RNF217: variants seen among roughly 807,000 people sequenced by gnomAD.
RNF217 encodes the protein ring finger protein 217, also known as E3 ubiquitin-protein ligase RNF217.
In RNF217, 31 loss-of-function variants were observed where a neutral mutation model predicts 57.8. The observed-to-expected ratio is 0.54, with a 90% CI of 0.40 to 0.72. The LOEUF (loss-of-function observed/expected upper bound fraction) is 0.72, where lower values mean the gene tolerates loss of function less well. Ranked by LOEUF, RNF217 falls within the 30% of genes least tolerant of loss-of-function variation. The pLI, the probability that RNF217 is intolerant of heterozygous loss-of-function variation, is 0.00. For synonymous variants in RNF217, 313 were observed against 294.0 expected (o/e 1.06, Z -0.66); for missense variants, 696 against 708.3 (o/e 0.98, Z 0.20).
intron 3 of RNF217, among the ~76,000 whole-genome samples, chr6:125,066,803 G>T (rs934671359): frequency 6.6e-6 from 1 of 152,152 alleles, no homozygotes; most frequent in Non-Finnish European, 1.5e-5. Context: ...GCTTTGGATA[G>T]CACTAAATAA....
intron 1 of RNF217, among the ~76,000 whole-genome samples, chr6:124,988,349 C>T (rs972121657): frequency 6.6e-6 from 1 of 152,158 alleles, no homozygotes; most frequent in Admixed American, 6.5e-5. Context: ...GCTCAAAATA[C>T]TGCAATAAAA....
intron 1 of RNF217, among the ~76,000 whole-genome samples, chr6:125,006,891 A>G (rs1409135732): frequency 6.6e-6 from 1 of 152,222 alleles, no homozygotes; most frequent in African/African-American, 2.4e-5. Flanking sequence ...AGAGGTTGCA[A>G]TGAGCCGAGA....
intron 1 of RNF217, among the ~76,000 whole-genome samples, chr6:125,017,541 T>A (rs927384856): frequency 4.6e-5 from 7 of 152,196 alleles, no homozygotes; most frequent in Non-Finnish European, 5.9e-5. Flanking sequence ...ATAACCTATC[T>A]TGGGGAAAGA....
At chr6:124,992,552 A>G (rs1193881697) in intron 1 of RNF217, among the ~76,000 whole-genome samples, 1 of 152,126 alleles carries the variant, frequency 6.6e-6, no homozygotes, top group Non-Finnish European at 1.5e-5. Flanking sequence ...CTAGTGTATT[A>G]TATAATAAAA....
At chr6:124,997,337 T>A (rs1393343938) in intron 1 of RNF217, among the ~76,000 whole-genome samples, 1 of 152,172 alleles carries the variant, frequency 6.6e-6, no homozygotes, top group Admixed American at 6.5e-5. Flanking sequence ...AAGTCATGAC[T>A]CCAGGTAAGT....
In RNF217 at chr6:124,963,281, C is replaced by G; in HGVS notation, c.737C>G (p.Ser246Cys). 1 of 1,535,954 alleles carries G rather than the reference C, an allele frequency of 6.5e-7. No homozygotes were observed. ...MPSLLGAPPYSGLGGVGDPYV... is the reference protein window; with the variant it reads ...MPSLLGAPPYCGLGGVGDPYV... ...AGCCTGTTGGGAGCTCCACCCTACTCTGGCCTGGGCGGTGTAGGGGATCCC... is the reference window on the plus strand; with the variant it reads ...AGCCTGTTGGGAGCTCCACCCTACTGTGGCCTGGGCGGTGTAGGGGATCCC... The change falls in exon 1 of 6, where the codon TCT becomes TGT. Residue 246 changes from serine (S) to cysteine (C), a missense_variant. Ser to Cys is a moderately radical substitution (Grantham distance 112). Transcript: ENST00000521654.
At chr6:124,993,025 C>T (rs977363736) in intron 1 of RNF217, among the ~76,000 whole-genome samples, 1 of 151,972 alleles carries the variant, frequency 6.6e-6, no homozygotes, top group African/African-American at 2.4e-5. Flanking sequence ...GTGCTCTTGC[C>T]TATAGTAGTA....
chr6:124,978,449 C>A (rs894274009), intron 1 of RNF217, among the ~76,000 whole-genome samples: 1 of 151,098 alleles, frequency 6.6e-6, no homozygotes, highest in Non-Finnish European at 1.5e-5. Flanking sequence ...GAGGGGAATG[C>A]GGTGGTGCCT....
intron 1 of RNF217, among the ~76,000 whole-genome samples, chr6:124,999,545 C>T (rs779574047): frequency 4.6e-5 from 7 of 151,826 alleles, no homozygotes; most frequent in African/African-American, 9.7e-5. Context: ...ACTTTAGGCT[C>T]ATAGACTGTA....
At chr6:124,994,225 T>G (rs1784665941) in intron 1 of RNF217, among the ~76,000 whole-genome samples, 1 of 152,192 alleles carries the variant, frequency 6.6e-6, no homozygotes, top group African/African-American at 2.4e-5. Context: ...TCTAACCCCA[T>G]GTGCCTGTCA....
chr6:124,979,134 G>C (rs753755300), intron 1 of RNF217, among the ~76,000 whole-genome samples: 1 of 152,186 alleles, frequency 6.6e-6, no homozygotes, highest in Admixed American at 6.5e-5. Context: ...GCTTCAGGCT[G>C]TCTTGGCTTG....
intron 1 of RNF217, among the ~76,000 whole-genome samples, chr6:125,024,625 C>G (rs150032644): frequency 1.5e-4 from 22 of 149,948 alleles, no homozygotes. Flanking sequence ...GGCTGAGGCA[C>G]GAGAGAATCT....
At chr6:124,970,636 T>C (rs1467058278) in intron 1 of RNF217, among the ~76,000 whole-genome samples, 1 of 152,176 alleles carries the variant, frequency 6.6e-6, no homozygotes, top group Non-Finnish European at 1.5e-5. Context: ...TGAACGTGGA[T>C]GGCATATAGA....
chr6:125,010,199 G>A (rs1785365512), intron 1 of RNF217, among the ~76,000 whole-genome samples: 1 of 152,108 alleles, frequency 6.6e-6, no homozygotes, highest in South Asian at 2.1e-4. Context: ...AATGAAGATA[G>A]TGTTGTTAAG....
At chr6:125,008,922 TGTGA>T (rs1785308886) in intron 1 of RNF217, 2 of 185,216 alleles carry the variant, frequency 1.1e-5, no homozygotes, top group Non-Finnish European at 2.2e-5. Context: ...ACCAGCAACG[TGTGA>T]GTATTAGTTT....
At chr6:124,995,190 A>G (rs1784704444) in intron 1 of RNF217, among the ~76,000 whole-genome samples, 1 of 152,166 alleles carries the variant, frequency 6.6e-6, no homozygotes, top group Admixed American at 6.5e-5. Context: ...AATCTCTTTT[A>G]CAGATTTTAT....
At chr6:125,046,192 C>T (rs957514895) in intron 2 of RNF217, among the ~76,000 whole-genome samples, 2 of 152,062 alleles carry the variant, frequency 1.3e-5, no homozygotes, top group Non-Finnish European at 2.9e-5. Context: ...TTCTTGTAAT[C>T]AAGTGCTTCT....
At chr6:125,036,674 A>T (rs1786634058) in intron 1 of RNF217, among the ~76,000 whole-genome samples, 1 of 152,112 alleles carries the variant, frequency 6.6e-6, no homozygotes, top group Non-Finnish European at 1.5e-5. Context: ...ACATATTTAC[A>T]AGAAAAAAAA....
At chr6:124,998,870 G>A (rs771957554) in intron 1 of RNF217, among the ~76,000 whole-genome samples, 2 of 152,184 alleles carry the variant, frequency 1.3e-5, no homozygotes, top group Non-Finnish European at 2.9e-5. Flanking sequence ...TAAACATGTA[G>A]TGGGCAAGGA....
Sources: gnomAD v4.1 joint callset for allele counts (sites outside exome capture counted in the v4.1 genomes callset) on GRCh38, gnomAD v4.1.1 for gene constraint, MANE v1.5 for transcripts, NCBI Gene and HGNC (gene_info 2026-07-23, HGNC 2026-07-21) for gene names.